Variants in LHPP observed in about 807,000 individuals in gnomAD.
LHPP encodes the protein hLHPP.
Under a neutral mutation model 30.3 loss-of-function variants are expected in LHPP, and 24 were observed. The ratio of observed to expected loss-of-function variants is 0.79; its 90% CI spans 0.57 to 1.11. The LOEUF is 1.11. Ranked by LOEUF, LHPP falls within the 50% of genes most tolerant of loss-of-function variation. The probability of loss-of-function intolerance (pLI) is 0.00; values close to 1 mark genes in which losing one functional copy is unlikely to be tolerated. For synonymous variants in LHPP, 150 were observed against 157.1 expected (o/e 0.95, Z 0.34); for missense variants, 356 against 367.2 (o/e 0.97, Z 0.25).
intron 6 of LHPP, among the ~76,000 whole-genome samples, chr10:124,589,562 G>C (rs899525610): frequency 6.6e-6 from 1 of 152,236 alleles, no homozygotes; most frequent in South Asian, 2.1e-4. Context: ...GGAGGAGCAG[G>C]ACTGTTGACA....
chr10:124,518,525 C>T (rs548063190), intron 6 of LHPP, among the ~76,000 whole-genome samples: 4 of 152,346 alleles, frequency 2.6e-5, no homozygotes, highest in East Asian at 1.9e-4. Context: ...GAGCCCAGCC[C>T]GGCGCCCCAT....
rs1948443994 is a variant in LHPP, at chr10:124,563,915, G to T, written c.716+46644G>T. 2.0e-5 allele frequency among the ~76,000 whole-genome samples: 3 copies of T among 152,040 alleles called. No homozygotes were observed. The South Asian group carries it at 6.2e-4, about 32-fold the overall frequency. On this transcript the variant is annotated intron_variant, in intron 6 of 6. Transcript: ENST00000368842. ...TGCTTTTGCAGTGGGATGGCAGTGGGGAGTTGGAATGGTTCATCATTTACT... is the reference window on the plus strand; with the variant it reads ...TGCTTTTGCAGTGGGATGGCAGTGGTGAGTTGGAATGGTTCATCATTTACT...
At chr10:124,506,378 C>A (rs1449882426) in intron 5 of LHPP, among the ~76,000 whole-genome samples, 1 of 150,806 alleles carries the variant, frequency 6.6e-6, no homozygotes, top group Admixed American at 6.7e-5. Flanking sequence ...ATCCCACTGT[C>A]CGCCCACTAC....
chr10:124,468,361 C>T lies in LHPP; in HGVS notation c.125+6374C>T, dbSNP rs2674332. 3.3e-3 allele frequency among the ~76,000 whole-genome samples: 506 copies of T among 152,292 alleles called. 4 individuals carry two copies. Among genetic ancestry groups the T allele is most frequent in the African/African-American group, 0.012 (481 of 41,556 alleles). On this transcript the variant is annotated intron_variant, in intron 1 of 6. Transcript: ENST00000368842. ...GCAATGTAATAACAATCCCGAAATA[C>T]ACCACAGCCTGTTATGTAGCTGGGA...
At chr10:124,509,849 C>T (rs1954256033) in intron 5 of LHPP, among the ~76,000 whole-genome samples, 1 of 152,144 alleles carries the variant, frequency 6.6e-6, no homozygotes, top group South Asian at 2.1e-4. Context: ...GGCAGAGCCC[C>T]TGGATAAGGA....
intron 1 of LHPP, among the ~76,000 whole-genome samples, chr10:124,470,986 G>A (rs1952715297): frequency 1.3e-5 from 2 of 152,060 alleles, no homozygotes; most frequent in South Asian, 4.1e-4. Flanking sequence ...GATTTCAGCT[G>A]TCATTTCAAC....
At chr10:124,466,091 C>T (rs907898096) in intron 1 of LHPP, among the ~76,000 whole-genome samples, 4 of 152,178 alleles carry the variant, frequency 2.6e-5, no homozygotes, top group African/African-American at 9.7e-5. Context: ...TCATTCCTGG[C>T]AATGCCTTTT....
At chr10:124,468,317 A>G (rs918935194) in intron 1 of LHPP, among the ~76,000 whole-genome samples, 3 of 152,180 alleles carry the variant, frequency 2.0e-5, no homozygotes, top group African/African-American at 7.2e-5. Flanking sequence ...GGTAGCAGCT[A>G]TACTGTATAC....
intron 6 of LHPP, among the ~76,000 whole-genome samples, chr10:124,589,149 A>G (rs528031592): frequency 7.9e-5 from 12 of 152,334 alleles, no homozygotes; most frequent in African/African-American, 2.9e-4. Flanking sequence ...TGCTGCTGCA[A>G]GGTTTACAGG....
Position 124,461,986 on chromosome 10 carries a change from A to T in LHPP, c.124A>T (p.Arg42Ter). 8.2e-7 allele frequency: 1 copy of T among 1,214,366 alleles called. No individual in the cohort carries two copies. Among genetic ancestry groups the T allele is most frequent in the Non-Finnish European group, 1.0e-6 (1 of 974,392 alleles). 75.2% of individuals were successfully genotyped at this position (1,214,366 alleles called of 1,614,324 possible). Residue 42 changes from arginine (R) to a stop codon, truncating the protein, a stop_gained and splice_region_variant, in exon 1 of 7, where the codon AGA (arginine) becomes TGA (stop). Transcript: ENST00000368842. LOFTEE classifies it high-confidence loss of function. ...CGCCGGCTCGGTGGAGGCGGTGGCC[A>T]GGTGAGTGGGCCCCGGGACGCCGCT... ...AIAGSVEAVARLKRSRLKVRF... is the reference protein window; with the variant it reads ...AIAGSVEAVA
chr10:124,507,625 T>G (rs1336782803), intron 5 of LHPP, among the ~76,000 whole-genome samples: 1 of 31,512 alleles, frequency 3.2e-5, no homozygotes, highest in Non-Finnish European at 5.1e-5. Context: ...ATTTCAGGTG[T>G]GGAGGGTAGA....
At chr10:124,511,449 A>T (rs1160463804) in intron 5 of LHPP, among the ~76,000 whole-genome samples, 1 of 152,178 alleles carries the variant, frequency 6.6e-6, no homozygotes, top group East Asian at 1.9e-4. Flanking sequence ...TGAAGTAGAG[A>T]GCACCACACC....
chr10:124,476,698 C>T (rs373676427), intron 1 of LHPP, among the ~76,000 whole-genome samples: 2 of 152,240 alleles, frequency 1.3e-5, no homozygotes, highest in African/African-American at 4.8e-5. Context: ...ATGTGAATAA[C>T]TGTATTTTTC....
At chr10:124,466,914 A>G (rs900994877) in intron 1 of LHPP, among the ~76,000 whole-genome samples, 1 of 151,074 alleles carries the variant, frequency 6.6e-6, no homozygotes, top group Non-Finnish European at 1.5e-5. Flanking sequence ...CTGGAGGTAG[A>G]AGGATTGAGA....
At chr10:124,577,774 TC>T (rs1447492436) in intron 6 of LHPP, among the ~76,000 whole-genome samples, 2 of 103,486 alleles carry the variant, frequency 1.9e-5, no homozygotes, top group African/African-American at 5.9e-5. Context: ...GGGAAGGCCT[TC>T]CTTGGGGCTG....
chr10:124,540,150 G>A (rs916892271), intron 6 of LHPP, among the ~76,000 whole-genome samples: 3 of 152,312 alleles, frequency 2.0e-5, no homozygotes, highest in Admixed American at 1.3e-4. Flanking sequence ...ATGCAGCGCC[G>A]TGCTGTTTCT....
In LHPP at chr10:124,478,893, A is replaced by AC. The variant is rs1379112460; in HGVS notation, c.126-5242dup. Among the ~76,000 whole-genome samples the AC allele has an allele frequency of 6.6e-6, 1 of 151,940 alleles. No individual in the cohort carries two copies. Among genetic ancestry groups the AC allele is most frequent in the Non-Finnish European group, 1.5e-5 (1 of 67,982 alleles). ...AGACCAGCCTGGGCAACATGGTGAG[A>AC]CCCCGTCTCTACTAAAAATATAAAA... On this transcript the variant is annotated intron_variant, in intron 1 of 6. Coordinates refer to ENST00000368842, the MANE Select transcript of LHPP (RefSeq NM_022126.4). The surrounding 1 kb of genome is among the most constrained non-coding windows in gnomAD (Gnocchi z 4.7).
At chr10:124,464,431 A>G (rs1360646993) in intron 1 of LHPP, among the ~76,000 whole-genome samples, 1 of 152,168 alleles carries the variant, frequency 6.6e-6, no homozygotes, top group Admixed American at 6.5e-5. Context: ...GGTCCCGCAT[A>G]GTGAAGCCGG....
At chr10:124,466,869 G>C (rs1217614453) in intron 1 of LHPP, among the ~76,000 whole-genome samples, 1 of 152,032 alleles carries the variant, frequency 6.6e-6, no homozygotes, top group Admixed American at 6.6e-5. Context: ...TCTGGGCACA[G>C]TGGCTCATAC....
Sources: allele counts gnomAD v4.1 joint callset (sites outside exome capture counted in the v4.1 genomes callset), GRCh38; gene constraint gnomAD v4.1.1; non-coding constraint Gnocchi (gnomAD v3.1); transcripts MANE v1.5; gene names NCBI Gene and HGNC (gene_info 2026-07-23, HGNC 2026-07-21).